Variants in DCLK1 observed in about 807,000 individuals in gnomAD.
The protein encoded by DCLK1 is doublecortin like kinase 1.
In DCLK1, 16 loss-of-function variants were observed where a neutral mutation model predicts 86.2. The observed-to-expected ratio is 0.19, with a 90% CI of 0.13 to 0.28. The LOEUF (loss-of-function observed/expected upper bound fraction) is 0.28. Among genes scored for constraint, DCLK1 ranks in the 10% least tolerant of loss-of-function variants. The pLI, the probability that DCLK1 is intolerant of heterozygous loss-of-function variation, is 1.00. For missense variants in DCLK1, 590 were observed against 940.2 expected, an observed-to-expected ratio of 0.63 and a Z score of 4.87; for synonymous variants, 369 against 370.5, an observed-to-expected ratio of 1.00 and a Z score of 0.05.
chr13:35,994,295 TAGTC>T (rs1880379376), intron 3 of DCLK1, among the ~76,000 whole-genome samples: 1 of 152,116 alleles, frequency 6.6e-6, no homozygotes, highest in Non-Finnish European at 1.5e-5. Flanking sequence ...CCAAGCGAAT[TAGTC>T]AGATAAAATA....
intron 6 of DCLK1, among the ~76,000 whole-genome samples, chr13:35,852,826 C>G (rs56158373): frequency 0.086 from 13,078 of 152,242 alleles, 691 homozygotes; most frequent in South Asian, 0.19. Context: ...AGAGGAGCTC[C>G]CATTTGCAGC....
chr13:36,114,540 G>A (rs566282773), intron 2 of DCLK1, among the ~76,000 whole-genome samples: 1 of 152,312 alleles, frequency 6.6e-6, no homozygotes, highest in Admixed American at 6.5e-5. Context: ...AGGAATTCAG[G>A]AAAGGCCCAG....
At chr13:35,848,511 C>T in intron 6 of DCLK1, 2 of 985,250 alleles carry the variant, frequency 2.0e-6, no homozygotes, top group Non-Finnish European at 2.4e-6. Context: ...AAGCACTTCC[C>T]TTGGAACTGC....
At chr13:35,901,184 T>A (rs1018310574) in intron 4 of DCLK1, among the ~76,000 whole-genome samples, 4 of 152,054 alleles carry the variant, frequency 2.6e-5, no homozygotes, top group Admixed American at 2.0e-4. Flanking sequence ...AGAGGAGACA[T>A]AAGTAGAAAA....
chr13:35,880,066 A>G (rs943155977), intron 4 of DCLK1, among the ~76,000 whole-genome samples: 1 of 152,110 alleles, frequency 6.6e-6, no homozygotes, highest in Non-Finnish European at 1.5e-5. Context: ...GTCACCAACC[A>G]CCTGCTTGAG....
At chr13:36,076,718 T>C (rs1438085634) in intron 3 of DCLK1, among the ~76,000 whole-genome samples, 3 of 152,136 alleles carry the variant, frequency 2.0e-5, no homozygotes, top group African/African-American at 4.8e-5. Flanking sequence ...GAAGTTCCGA[T>C]TGCACCCGCC....
intron 5 of DCLK1, among the ~76,000 whole-genome samples, chr13:35,867,862 A>AGAAG (rs1296732710): frequency 3.8e-4 from 52 of 136,560 alleles, no homozygotes; most frequent in African/African-American, 5.4e-4. Flanking sequence ...AAAGAAAGAA[A>AGAAG]GAAAGAAAGA....
intron 15 of DCLK1, 121 bp from the exon 16 acceptor site, chr13:35,793,600 C>T (rs537080353): frequency 1.5e-6 from 1 of 661,416 alleles, no homozygotes; most frequent in Non-Finnish European, 2.5e-6. Flanking sequence ...AGAAATAAAC[C>T]AACCAATGTC....
At chr13:36,005,629 G>A (rs985553415) in intron 3 of DCLK1, among the ~76,000 whole-genome samples, 1 of 152,222 alleles carries the variant, frequency 6.6e-6, no homozygotes, top group African/African-American at 2.4e-5. Context: ...CACAAAAGCT[G>A]TAGCTGCTGC....
At chr13:36,105,585 G>T (rs1451404236) in intron 3 of DCLK1, among the ~76,000 whole-genome samples, 1 of 152,110 alleles carries the variant, frequency 6.6e-6, no homozygotes, top group South Asian at 2.1e-4. Flanking sequence ...ATAATTCTAT[G>T]GAACTAATGT....
chr13:35,847,475 C>T (rs1297554188), intron 6 of DCLK1: 4 of 985,046 alleles, frequency 4.1e-6, no homozygotes, highest in Non-Finnish European at 4.8e-6. Flanking sequence ...CATAAACACC[C>T]AAACACCTGT....
intron 3 of DCLK1, among the ~76,000 whole-genome samples, chr13:36,002,421 A>G (rs1326669005): frequency 1.3e-5 from 2 of 152,230 alleles, no homozygotes; most frequent in East Asian, 1.9e-4. Context: ...TAACCCTTAC[A>G]GCTAATTTTA....
At chr13:35,839,715 T>C (rs1869654345) in intron 6 of DCLK1, among the ~76,000 whole-genome samples, 2 of 152,170 alleles carry the variant, frequency 1.3e-5, no homozygotes, top group Admixed American at 6.5e-5. Flanking sequence ...ACATAAGCAC[T>C]GAGTAGGTTA....
chr13:35,891,908 T>TC (rs1470846440), intron 4 of DCLK1, among the ~76,000 whole-genome samples: 10 of 152,220 alleles, frequency 6.6e-5, no homozygotes, highest in African/African-American at 2.4e-4. Flanking sequence ...AGGGGGGTTT[T>TC]CCCCTTCCCT....
intron 4 of DCLK1, among the ~76,000 whole-genome samples, chr13:35,908,207 T>A (rs1415857849): frequency 1.3e-5 from 2 of 152,196 alleles, no homozygotes; most frequent in Non-Finnish European, 2.9e-5. Context: ...GGAACTAAAC[T>A]TTTAGTATAC....
At chr13:36,038,440 G>C (rs1408297214) in intron 3 of DCLK1, among the ~76,000 whole-genome samples, 2 of 152,216 alleles carry the variant, frequency 1.3e-5, no homozygotes, top group East Asian at 3.9e-4. Context: ...GGAAAGAGAA[G>C]TGAGAGATGG....
intron 7 of DCLK1, among the ~76,000 whole-genome samples, chr13:35,836,447 A>G (rs1346987846): frequency 6.6e-6 from 1 of 152,224 alleles, no homozygotes; most frequent in Non-Finnish European, 1.5e-5. Flanking sequence ...ACTTCACGCC[A>G]ATTTGATCAA....
intron 3 of DCLK1, among the ~76,000 whole-genome samples, chr13:35,982,219 G>C (rs1879677384): frequency 2.0e-5 from 3 of 151,898 alleles, no homozygotes; most frequent in African/African-American, 7.3e-5. Flanking sequence ...TTTCACAAAG[G>C]AAAGAGGGAA....
intron 3 of DCLK1, among the ~76,000 whole-genome samples, chr13:35,982,429 AGAGGGG>A (rs1429527416): frequency 0.011 from 351 of 32,150 alleles, 8 homozygotes; most frequent in Middle Eastern, 0.024. Flanking sequence ...AGAGAGAGAG[AGAGGGG>A]GAGGGAGGGA....
Sources: allele counts gnomAD v4.1 joint callset (sites outside exome capture counted in the v4.1 genomes callset), GRCh38; gene constraint gnomAD v4.1.1; transcripts MANE v1.5; gene names NCBI Gene and HGNC (gene_info 2026-07-23, HGNC 2026-07-21).